The following LGR5 variants were observed in gnomAD, a reference collection of about 807,000 sequenced individuals.
LGR5 encodes leucine-rich repeat-containing G protein-coupled receptor 5.
A neutral mutation model predicts 76.7 loss-of-function variants in LGR5; 54 were observed. The observed-to-expected ratio is 0.70, with a 90% CI of 0.57 to 0.88. LGR5 has a LOEUF of 0.88. LGR5 is among the 40% of genes least tolerant of loss of function. The pLI is 0.00. For missense variants in LGR5, 1,078 were observed against 1,073.3 expected (o/e 1.00, Z -0.06); for synonymous variants, 406 against 421.9 (o/e 0.96, Z 0.46).
chr12:71,568,044 C>A (rs1025381779), intron 11 of LGR5, among the ~76,000 whole-genome samples: 4 of 152,056 alleles, frequency 2.6e-5, no homozygotes, highest in Non-Finnish European at 5.9e-5. Flanking sequence ...TTCTGCCTAC[C>A]ACACCCAGAA....
At chr12:71,559,201 A>G (rs997522355) in intron 6 of LGR5, among the ~76,000 whole-genome samples, 4 of 152,182 alleles carry the variant, frequency 2.6e-5, no homozygotes, top group African/African-American at 9.7e-5. Context: ...AGGAGCCCTG[A>G]GGAGTGCAAA....
intron 13 of LGR5, among the ~76,000 whole-genome samples, chr12:71,575,741 T>C (rs1178309924): frequency 6.6e-6 from 1 of 151,942 alleles, no homozygotes; most frequent in Non-Finnish European, 1.5e-5. Context: ...TGTGTGTGTG[T>C]GTGTGTGTGT....
rs776281947 is a variant in LGR5 at position 71,578,918 on chromosome 12, T to A, written c.1395T>A (p.Phe465Leu). ...AGAGCTTGATATCATCTGAAAACTTTCCAGAACTCAAGTGAGTTTGTCATT... is the reference window on the plus strand; with the variant it reads ...AGAGCTTGATATCATCTGAAAACTTACCAGAACTCAAGTGAGTTTGTCATT... ...ALQSLISSEN[F>L]PELKVIEMPY... The change falls in exon 15 of 18, where the codon TTT becomes TTA. Residue 465 changes from phenylalanine to leucine, a missense_variant. By Grantham distance (22) the Phe-to-Leu change is conservative. Transcript: ENST00000266674. 1 of 1,601,414 alleles carries A rather than the reference T, an allele frequency of 6.2e-7. No individual in the cohort carries two copies. The highest frequency in any genetic ancestry group is 8.5e-7 in the Non-Finnish European group (1 of 1,174,958).
intron 2 of LGR5, among the ~76,000 whole-genome samples, chr12:71,510,801 G>T (rs936209250): frequency 3.3e-5 from 5 of 152,136 alleles, no homozygotes; most frequent in Non-Finnish European, 7.4e-5. Context: ...TGATGAGAAG[G>T]TGGAGGAGGG....
At chr12:71,536,698 AAGCCACTATC>A (rs1876605807) in intron 4 of LGR5, among the ~76,000 whole-genome samples, 1 of 152,224 alleles carries the variant, frequency 6.6e-6, no homozygotes, top group Non-Finnish European at 1.5e-5. Flanking sequence ...TTGTAACCAA[AAGCCACTATC>A]AGCTGAAAGA....
chr12:71,468,037 A>T (rs954598904), intron 1 of LGR5, among the ~76,000 whole-genome samples: 1 of 152,206 alleles, frequency 6.6e-6, no homozygotes, highest in Non-Finnish European at 1.5e-5. Flanking sequence ...TAAAAGGGTA[A>T]TTGAATATTT....
At chr12:71,520,108 A>G (rs865910954) in intron 2 of LGR5, among the ~76,000 whole-genome samples, 9 of 152,336 alleles carry the variant, frequency 5.9e-5, no homozygotes, top group Middle Eastern at 6.8e-3. Flanking sequence ...ACTAATATTC[A>G]TAGCATCACT....
chr12:71,504,056 A>T (rs1874735487), intron 1 of LGR5, among the ~76,000 whole-genome samples: 2 of 152,186 alleles, frequency 1.3e-5, no homozygotes, highest in African/African-American at 2.4e-5. Context: ...TTTATGGTTC[A>T]TTTCACTTAT....
intron 1 of LGR5, among the ~76,000 whole-genome samples, chr12:71,487,921 T>C (rs1873904984): frequency 6.6e-6 from 1 of 152,070 alleles, no homozygotes; most frequent in South Asian, 2.1e-4. Flanking sequence ...TTATACGCCA[T>C]CCCCTTTTCT....
chr12:71,455,807 A>G (rs1458959217), intron 1 of LGR5, among the ~76,000 whole-genome samples: 1 of 152,210 alleles, frequency 6.6e-6, no homozygotes, highest in Non-Finnish European at 1.5e-5. Context: ...ACAAAAAATT[A>G]TACAAAAATG....
chr12:71,488,629 A>G (rs1207285503), intron 1 of LGR5, among the ~76,000 whole-genome samples: 1 of 152,196 alleles, frequency 6.6e-6, no homozygotes, highest in African/African-American at 2.4e-5. Flanking sequence ...ATATTAGTAA[A>G]TAAGTCCAGG....
rs150306744 is a variant in LGR5, at chr12:71,572,152, G to A, written c.1136+573G>A. Among the ~76,000 whole-genome samples, 1,141 of 149,278 alleles carry A rather than the reference G, an allele frequency of 7.6e-3. 9 individuals carry two copies. Among genetic ancestry groups the A allele is most frequent in the African/African-American group, 0.021 (858 of 40,410 alleles). On this transcript the variant is annotated intron_variant, in intron 12 of 17. Transcript: ENST00000266674. ...AGGCCGGAGTGCATGGCGTGATCTC[G>A]GCTCACTGCCACCTCTGCCTTGTGG...
intron 1 of LGR5, among the ~76,000 whole-genome samples, chr12:71,480,956 A>G (rs1359486873): frequency 6.6e-6 from 1 of 152,198 alleles, no homozygotes; most frequent in African/African-American, 2.4e-5. Flanking sequence ...TCAGTAACTC[A>G]TTTTATCTTT....
intron 16 of LGR5, 151 bp downstream of exon 16, chr12:71,580,574 T>C: frequency 1.4e-6 from 1 of 721,976 alleles, no homozygotes; most frequent in South Asian, 1.9e-5. Flanking sequence ...GGCAGATGGA[T>C]CACTTGAGGT....
rs531510678 is a variant in LGR5 at position 71,486,267 on chromosome 12, T to TA, written c.213-18346dup. On this transcript the variant is annotated intron_variant, in intron 1 of 17. Coordinates refer to ENST00000266674, the MANE Select transcript of LGR5 (RefSeq NM_003667.4). ...GGATATAAAGTCAGGTAGATGTTGT[T>TA]ATCATCATTAGAGTCATATCGCTGC... 1.2e-3 allele frequency among the ~76,000 whole-genome samples: 180 copies of TA among 152,324 alleles called. 3 individuals are homozygous for TA. Among genetic ancestry groups the TA allele is most frequent in the African/African-American group, 4.0e-3 (166 of 41,570 alleles).
At chr12:71,528,018 A>G (rs1876105322) in intron 3 of LGR5, among the ~76,000 whole-genome samples, 1 of 152,236 alleles carries the variant, frequency 6.6e-6, no homozygotes, top group Non-Finnish European at 1.5e-5. Flanking sequence ...GTTTTATAAG[A>G]TGTTCTGCAT....
intron 1 of LGR5, among the ~76,000 whole-genome samples, chr12:71,480,845 GT>G (rs1873566661): frequency 6.6e-6 from 1 of 152,150 alleles, no homozygotes; most frequent in African/African-American, 2.4e-5. Context: ...AAGTGTTACA[GT>G]ACATTAGGGC....
intron 1 of LGR5, among the ~76,000 whole-genome samples, chr12:71,484,590 T>C (rs1873748991): frequency 6.6e-6 from 1 of 152,196 alleles, no homozygotes; most frequent in Non-Finnish European, 1.5e-5. Context: ...GTGCCCGAGG[T>C]TACAGGCTTT....
At chr12:71,554,963 C>T (rs957429011) in intron 5 of LGR5, among the ~76,000 whole-genome samples, 1 of 152,050 alleles carries the variant, frequency 6.6e-6, no homozygotes, top group African/African-American at 2.4e-5. Flanking sequence ...GCTTCATGCC[C>T]ACCCACTGGC....
Sources: gnomAD v4.1 joint callset for allele counts (sites outside exome capture counted in the v4.1 genomes callset) on GRCh38, gnomAD v4.1.1 for gene constraint, MANE v1.5 for transcripts, NCBI Gene and HGNC (gene_info 2026-07-23, HGNC 2026-07-21) for gene names.